DHX30: variants seen among roughly 807,000 people sequenced by gnomAD.
DHX30 encodes DExH-box helicase 30, also known as ATP-dependent RNA helicase DHX30.
DHX30 carries 4 observed loss-of-function variants against 116.9 expected under a neutral mutation model. The observed-to-expected ratio is 0.03, with a 90% CI of 0.02 to 0.08. The LOEUF is 0.08. Among genes scored for constraint, DHX30 ranks in the 10% least tolerant of loss-of-function variants. The pLI, the probability that DHX30 is intolerant of heterozygous loss-of-function variation, is 1.00. For synonymous variants in DHX30, 697 were observed against 651.7 expected, an observed-to-expected ratio of 1.07 and a Z score of -1.06; for missense variants, 871 against 1,595.1, an observed-to-expected ratio of 0.55 and a Z score of 7.73.
At chr3:47,810,164 A>G (rs1052870658) in intron 2 of DHX30, among the ~76,000 whole-genome samples, 1 of 152,186 alleles carries the variant, frequency 6.6e-6, no homozygotes, top group South Asian at 2.1e-4. Context: ...ACTAGGTTTT[A>G]TGAAAGCCCA....
chr3:47,847,294 G>A lies in DHX30; in HGVS notation c.1951G>A (p.Asp651Asn), dbSNP rs748383690. 4 of 1,614,108 alleles carry A rather than the reference G, an allele frequency of 2.5e-6. No individual in the cohort carries two copies. Among genetic ancestry groups the A allele is most frequent in the East Asian group, 2.2e-5 (1 of 44,900 alleles). Residue 651 changes from aspartate (D) to asparagine (N), a missense_variant, in exon 12 of 22, where the codon GAT (aspartate) becomes AAT (asparagine). Around this residue, in one of 13 missense-constraint regions of DHX30, gnomAD observed 61 missense variants for 106.7 expected, o/e 0.57. Coordinates refer to ENST00000445061, the MANE Select transcript of DHX30 (RefSeq NM_138615.3). This position sits in a 1 kb window ranked among gnomAD's most constrained non-coding sequence, Gnocchi z 5.5. ...CCAGTCTGAGGATGAATGCGCACTC[G>A]ATTTGGACCTTGTGACTGATCTGGT... The part of the protein sequence containing the change: ...HHESEDECAL[D>N]LDLVTDLVLH...
At chr3:47,807,729 C>CAAAAAAAAAAAAAAAAAAAAA (rs2035595417) in intron 2 of DHX30, among the ~76,000 whole-genome samples, 1 of 127,486 alleles carries the variant, frequency 7.8e-6, no homozygotes, top group Non-Finnish European at 1.7e-5. Context: ...AAAAAAAAAG[C>CAAAAAAAAAAAAAAAAAAAAA]AAAATCAAGA....
chr3:47,823,267 A>G (rs1316157468), intron 4 of DHX30, among the ~76,000 whole-genome samples: 1 of 151,964 alleles, frequency 6.6e-6, no homozygotes, highest in African/African-American at 2.4e-5. Flanking sequence ...TGGGGGCTAC[A>G]ATTCAAGATG....
Position 47,850,020 on chromosome 3 carries a change from C to A in DHX30, c.3485C>A (p.Pro1162His), listed in dbSNP as rs1243973630. The A allele has an allele frequency of 3.1e-6, 5 of 1,610,414 alleles. No individual in the cohort carries two copies. Among genetic ancestry groups the A allele is most frequent in the Admixed American group, 1.7e-5 (1 of 59,774 alleles). ...CGCAGCGAGCTGGCTGCACTTCCCC[C>A]CAGCGTACAGGAGGAGCACGGGCAG... Reference protein sequence around the residue: ...SLRSELAALPPSVQEEHGQLL... With the variant: ...SLRSELAALPHSVQEEHGQLL... The change falls in exon 22 of 22, where the codon CCC (proline) becomes CAC (histidine). Residue 1162 changes from proline (P) to histidine (H), a missense_variant. This residue lies in a region of DHX30 where 52 missense variants were observed against 50.1 expected (regional missense o/e 1.04). Transcript: ENST00000445061.
At chr3:47,821,620 A>G (rs1389318225) in intron 4 of DHX30, among the ~76,000 whole-genome samples, 1 of 147,906 alleles carries the variant, frequency 6.8e-6, no homozygotes, top group Non-Finnish European at 1.5e-5. Flanking sequence ...ATTGATTGAG[A>G]TGGAGTCTCA....
In DHX30 at chr3:47,848,577, CTGGGG is replaced by C; in HGVS notation, c.2575+28_2575+32del. The C allele has an allele frequency of 6.2e-7, 1 of 1,613,712 alleles. No homozygotes were observed. The highest frequency in any genetic ancestry group is 1.1e-5 in the South Asian group (1 of 91,082). On this transcript the variant is annotated intron_variant, in intron 16 of 21. Coordinates refer to ENST00000445061, the MANE Select transcript of DHX30 (RefSeq NM_138615.3). This position sits in a 1 kb window ranked among gnomAD's most constrained non-coding sequence, Gnocchi z 9.4. ...TATGTAGGGGCTGGGCTGGGCTGGG[CTGGGG>C]AGTGGCTCTCGAGGGTGGTACTGAC...
chr3:47,838,172 C>T (rs770390110), intron 6 of DHX30, among the ~76,000 whole-genome samples: 10 of 152,206 alleles, frequency 6.6e-5, no homozygotes, highest in Admixed American at 1.3e-4. Flanking sequence ...GGATCGGGCC[C>T]TGCCCCAAGG....
chr3:47,825,769 G>GT (rs1239472005), intron 4 of DHX30: 1 of 152,384 alleles, frequency 6.6e-6, no homozygotes, highest in Non-Finnish European at 1.5e-5. Flanking sequence ...CGGGGTGGTG[G>GT]TCTCAGTGCA....
intron 1 of DHX30, among the ~76,000 whole-genome samples, chr3:47,804,513 C>A (rs1237148464): frequency 6.6e-6 from 1 of 152,210 alleles, no homozygotes; most frequent in East Asian, 1.9e-4. Context: ...CAAGATCGCG[C>A]CATTTCACCC....
Position 47,843,275 on chromosome 3 carries a change from G to C in DHX30, c.939+20G>C. 2.5e-6 allele frequency: 4 copies of C among 1,613,886 alleles called. No individual in the cohort carries two copies. Among genetic ancestry groups the C allele is most frequent in the Non-Finnish European group, 3.4e-6 (4 of 1,179,858 alleles). Reference sequence around the variant, plus strand: ...CTGAAGGTGAGTCCAGGAAGGTCCTGGGTGTGGTGCATGAGAATGTCTTGA... The same window carrying C: ...CTGAAGGTGAGTCCAGGAAGGTCCTCGGTGTGGTGCATGAGAATGTCTTGA... On this transcript the variant is annotated intron_variant, in intron 9 of 21. Transcript: ENST00000445061.
chr3:47,836,080 G>A (rs369524334), intron 6 of DHX30, among the ~76,000 whole-genome samples: 2 of 152,352 alleles, frequency 1.3e-5, no homozygotes, highest in East Asian at 3.9e-4. Flanking sequence ...TTCTCTGCCT[G>A]GCTGACTGGC....
At chr3:47,838,711 G>A (rs1026905888) in intron 6 of DHX30, among the ~76,000 whole-genome samples, 3 of 152,084 alleles carry the variant, frequency 2.0e-5, no homozygotes, top group Non-Finnish European at 2.9e-5. Context: ...TTGCTGTCCC[G>A]CAGACTTTGT....
chr3:47,847,134 G>T lies in DHX30; in HGVS notation c.1929+133G>T. On this transcript the variant is annotated intron_variant, in intron 11 of 21. Transcript: ENST00000445061. This position sits in a 1 kb window ranked among gnomAD's most constrained non-coding sequence, Gnocchi z 5.5. ...CTCGGTTTCCTTGATAGAAACTGGGGACTAACCCTGCCTGCGTGGCACACG... is the reference window on the plus strand; with the variant it reads ...CTCGGTTTCCTTGATAGAAACTGGGTACTAACCCTGCCTGCGTGGCACACG... 1 of 1,474,700 alleles carries T rather than the reference G, an allele frequency of 6.8e-7. No homozygotes were observed. Among genetic ancestry groups the T allele is most frequent in the Non-Finnish European group, 9.3e-7 (1 of 1,069,582 alleles). 91.4% of individuals were successfully genotyped at this position (1,474,700 alleles called of 1,614,324 possible).
chr3:47,847,643 G>A lies in DHX30; in HGVS notation c.2110+107G>A. The A allele has an allele frequency of 6.9e-7, 1 of 1,458,096 alleles. No homozygotes were observed. Among genetic ancestry groups the A allele is most frequent in the Non-Finnish European group, 9.2e-7 (1 of 1,087,052 alleles). The allele number at this position is 1,458,096 out of a possible 1,614,324, so 90.3% of individuals were successfully genotyped here. ...AGGGGCCCCGGTTTCTGACCAAGCT[G>A]TGGCACTTTTCACTGGGCATAGTGT... On this transcript the variant is annotated intron_variant, in intron 13 of 21. Transcript: ENST00000445061. The surrounding 1 kb of genome is among the most constrained non-coding windows in gnomAD (Gnocchi z 5.5).
Position 47,845,794 on chromosome 3 carries a change from C to G in DHX30, c.1034C>G (p.Pro345Arg). The G allele has an allele frequency of 6.2e-7, 1 of 1,611,838 alleles. No individual in the cohort carries two copies. Among genetic ancestry groups the G allele is most frequent in the Non-Finnish European group, 8.5e-7 (1 of 1,178,066 alleles). The change falls in exon 10 of 22, where the codon CCA (proline) becomes CGA (arginine). Residue 345 changes from proline to arginine, a missense_variant. This residue lies in a region of DHX30 where 175 missense variants were observed against 292.9 expected (regional missense o/e 0.60). Coordinates refer to ENST00000445061, the MANE Select transcript of DHX30 (RefSeq NM_138615.3). ...GAGCTGGGTGAGACCCAGCGCCGAC[C>G]ATGCACCATCCAGGTGCCCGAGCCC... ...LRELGETQRR[P>R]CTIQVPEPIL...
At chr3:47,811,734 A>T (rs1305989409) in intron 3 of DHX30, among the ~76,000 whole-genome samples, 1 of 152,038 alleles carries the variant, frequency 6.6e-6, no homozygotes, top group Non-Finnish European at 1.5e-5. Context: ...AAAAATCAGG[A>T]TCCAGAGAGA....
In DHX30 at chr3:47,810,730, T is replaced by C; in HGVS notation, c.28+19T>C. 1 of 1,613,494 alleles carries C rather than the reference T, an allele frequency of 6.2e-7. No homozygotes were observed. The highest frequency in any genetic ancestry group is 1.3e-5 in the African/African-American group (1 of 75,032). On this transcript the variant is annotated intron_variant, in intron 3 of 21. Coordinates refer to ENST00000445061, the MANE Select transcript of DHX30 (RefSeq NM_138615.3). ...AGAAAAGGTAAGACTGCAACTGTGC[T>C]TGTGACCTCATGCCCTTCCTTATTG...
chr3:47,830,063 T>C (rs2036770974), intron 6 of DHX30, among the ~76,000 whole-genome samples: 2 of 151,486 alleles, frequency 1.3e-5, no homozygotes, highest in Admixed American at 1.3e-4. Context: ...ATCTCCTGAC[T>C]TTGTGATCTG....
chr3:47,826,422 C>T (rs1461486450), intron 4 of DHX30, among the ~76,000 whole-genome samples: 1 of 151,588 alleles, frequency 6.6e-6, no homozygotes, highest in Non-Finnish European at 1.5e-5. Flanking sequence ...TTCATGCCTG[C>T]TCAGATGTAG....
Sources: allele counts gnomAD v4.1 joint callset (sites outside exome capture counted in the v4.1 genomes callset), GRCh38; gene constraint gnomAD v4.1.1; regional missense constraint gnomAD v4.1.1; non-coding constraint Gnocchi (gnomAD v3.1); transcripts MANE v1.5; gene names NCBI Gene and HGNC (gene_info 2026-07-23, HGNC 2026-07-21).